Variants in MAGI2 observed in about 807,000 individuals in gnomAD.
MAGI2 encodes the protein membrane-associated guanylate kinase, WW and PDZ domain-containing protein 2.
Under a neutral mutation model 133.3 loss-of-function variants are expected in MAGI2, and 35 were observed. The ratio of observed to expected loss-of-function variants is 0.26; its 90% CI spans 0.20 to 0.35. The LOEUF (loss-of-function observed/expected upper bound fraction) is 0.35. Among genes scored for constraint, MAGI2 ranks in the 10% least tolerant of loss-of-function variants. The pLI, the probability that MAGI2 is intolerant of heterozygous loss-of-function variation, is 1.00. For missense variants in MAGI2, 1,636 were observed against 1,863.4 expected (o/e 0.88, Z 2.25); for synonymous variants, 729 against 710.6 (o/e 1.03, Z -0.41).
chr7:79,228,622 A>T (rs1831084990), intron 1 of MAGI2, among the ~76,000 whole-genome samples: 1 of 152,126 alleles, frequency 6.6e-6, no homozygotes, highest in African/African-American at 2.4e-5. Flanking sequence ...AATGAAAACT[A>T]AGAAAATGAA....
chr7:78,043,401 G>A (rs1330706952), intron 21 of MAGI2, among the ~76,000 whole-genome samples: 2 of 152,168 alleles, frequency 1.3e-5, no homozygotes, highest in Admixed American at 1.3e-4. Flanking sequence ...ATACTCTGGA[G>A]CTTCCTATCA....
At chr7:78,391,383 A>AT (rs5885053) in intron 6 of MAGI2, among the ~76,000 whole-genome samples, 82,870 of 151,966 alleles carry the variant, frequency 0.55, 23,450 homozygotes, top group Middle Eastern at 0.66. Flanking sequence ...AACTTTAAAA[A>AT]TTCTCTGGCA....
intron 1 of MAGI2, among the ~76,000 whole-genome samples, chr7:79,090,412 C>T (rs551954536): frequency 4.6e-5 from 7 of 151,926 alleles, no homozygotes; most frequent in Non-Finnish European, 1.0e-4. Context: ...TATTCTTCAA[C>T]CATTTAAGAA....
intron 3 of MAGI2, among the ~76,000 whole-genome samples, chr7:78,558,837 G>GT (rs10691115): frequency 0.34 from 44,226 of 129,738 alleles, 7,976 homozygotes; most frequent in East Asian, 0.62. Flanking sequence ...TTGAGACACC[G>GT]TTTTTTTTTT....
intron 2 of MAGI2, among the ~76,000 whole-genome samples, chr7:78,755,911 A>G (rs1186761303): frequency 6.6e-6 from 1 of 152,180 alleles, no homozygotes; most frequent in Non-Finnish European, 1.5e-5. Context: ...TGTGGGTGCA[A>G]GAGGGTTGTA....
At chr7:78,786,024 C>T (rs991747649) in intron 2 of MAGI2, among the ~76,000 whole-genome samples, 1 of 151,964 alleles carries the variant, frequency 6.6e-6, no homozygotes, top group South Asian at 2.1e-4. Flanking sequence ...GTCTACTGGA[C>T]ATTTATGGAT....
At chr7:78,480,087 T>C (rs1404628491) in intron 6 of MAGI2, among the ~76,000 whole-genome samples, 3 of 151,920 alleles carry the variant, frequency 2.0e-5, no homozygotes, top group Non-Finnish European at 4.4e-5. Context: ...TTCACCAACT[T>C]GGAAGCAATG....
chr7:79,018,051 A>G (rs1808915560), intron 1 of MAGI2, among the ~76,000 whole-genome samples: 1 of 152,096 alleles, frequency 6.6e-6, no homozygotes, highest in Non-Finnish European at 1.5e-5. Context: ...ATTTTGCTAG[A>G]GAGGTCAACA....
intron 21 of MAGI2, among the ~76,000 whole-genome samples, chr7:78,041,525 A>G (rs1810845335): frequency 6.6e-6 from 1 of 152,148 alleles, no homozygotes; most frequent in Non-Finnish European, 1.5e-5. Flanking sequence ...AAGTACAAAA[A>G]TTAGCTGGGT....
intron 2 of MAGI2, among the ~76,000 whole-genome samples, chr7:78,755,766 C>G (rs192516787): frequency 6.6e-6 from 1 of 152,168 alleles, no homozygotes; most frequent in South Asian, 2.1e-4. Flanking sequence ...GGAAGTATAG[C>G]TGCTTTTGTT....
chr7:78,337,428 C>T (rs1337371170), intron 9 of MAGI2, among the ~76,000 whole-genome samples: 1 of 152,160 alleles, frequency 6.6e-6, no homozygotes, highest in East Asian at 1.9e-4. Flanking sequence ...GAAATAATTC[C>T]CAACTCTACC....
Position 78,222,457 on chromosome 7 carries a change from G to C in MAGI2, c.2048-21264C>G, listed in dbSNP as rs184176028. 3.7e-3 allele frequency among the ~76,000 whole-genome samples: 571 copies of C among 152,268 alleles called. 8 individuals carry two copies. The South Asian group carries it at 0.043, about 11-fold the overall frequency. On this transcript the variant is annotated intron_variant, in intron 10 of 21. Transcript: ENST00000354212. ...GCCATTTAATCCTCACAACAACCAC[G>C]TGAAGTAGGTTCTCTTAGCATCCCA... is the stretch of plus-strand genomic sequence containing the variant.
At chr7:79,298,865 G>A (rs12670971) in intron 1 of MAGI2, among the ~76,000 whole-genome samples, 141,592 of 152,072 alleles carry the variant, frequency 0.93, 66,279 homozygotes, top group Non-Finnish European at 0.98. Flanking sequence ...AAGACAGAGG[G>A]AAAAGACAGA....
chr7:78,434,930 CT>C (rs1466321495), intron 6 of MAGI2, among the ~76,000 whole-genome samples: 1 of 152,146 alleles, frequency 6.6e-6, no homozygotes, highest in Non-Finnish European at 1.5e-5. Context: ...CATTCTATCA[CT>C]CATTCCCTTA....
intron 3 of MAGI2, among the ~76,000 whole-genome samples, chr7:78,523,794 G>A (rs1171825463): frequency 6.6e-6 from 1 of 152,142 alleles, no homozygotes; most frequent in Non-Finnish European, 1.5e-5. Flanking sequence ...CCCTTGACAT[G>A]TGGGGATTAT....
intron 2 of MAGI2, among the ~76,000 whole-genome samples, chr7:78,871,468 C>T (rs1189692604): frequency 1.3e-5 from 2 of 152,012 alleles, no homozygotes; most frequent in Admixed American, 6.6e-5. Context: ...TAAAAAACCA[C>T]CTGTTACCCT....
intron 1 of MAGI2, among the ~76,000 whole-genome samples, chr7:79,342,910 C>T (rs548258812): frequency 3.3e-5 from 5 of 152,006 alleles, no homozygotes; most frequent in Non-Finnish European, 7.4e-5. Context: ...CAGGCACGTG[C>T]CACCATGCCT....
intron 3 of MAGI2, among the ~76,000 whole-genome samples, chr7:78,591,857 C>T (rs1385837847): frequency 2.0e-5 from 3 of 152,120 alleles, no homozygotes; most frequent in Non-Finnish European, 4.4e-5. Context: ...ACATAAGAAT[C>T]AGTCACAAAA....
chr7:79,150,401 C>T (rs1261997799), intron 1 of MAGI2, among the ~76,000 whole-genome samples: 3 of 152,258 alleles, frequency 2.0e-5, no homozygotes, highest in African/African-American at 7.2e-5. Flanking sequence ...TATCTTCCCT[C>T]CATAGACGTA....
Sources: gnomAD v4.1 joint callset for allele counts (sites outside exome capture counted in the v4.1 genomes callset) on GRCh38, gnomAD v4.1.1 for gene constraint, MANE v1.5 for transcripts, NCBI Gene and HGNC (gene_info 2026-07-23, HGNC 2026-07-21) for gene names.